The following FLRT2 variants were observed in gnomAD, a reference collection of about 807,000 sequenced individuals.
FLRT2 encodes the protein leucine-rich repeat transmembrane protein FLRT2.
FLRT2 carries 15 observed loss-of-function variants against 40.0 expected under a neutral mutation model. The observed-to-expected ratio is 0.38, with a 90% CI of 0.25 to 0.58. The LOEUF is 0.58. Among genes scored for constraint, FLRT2 ranks in the 20% least tolerant of loss-of-function variants. The pLI is 0.71. For synonymous variants in FLRT2, 380 were observed against 336.8 expected, an observed-to-expected ratio of 1.13 and a Z score of -1.41; for missense variants, 726 against 840.0, an observed-to-expected ratio of 0.86 and a Z score of 1.68.
chr14:85,621,713 G>A lies in FLRT2; in HGVS notation c.199G>A (p.Val67Ile), dbSNP rs142772729. 1.2e-4 allele frequency: 195 copies of A among 1,614,066 alleles called. 2 individuals are homozygous for A. The Admixed American group carries it at 1.4e-3, about 12-fold the overall frequency. Residue 67 changes from valine (V) to isoleucine (I), a missense_variant, in exon 2 of 2, where the codon GTA (valine) becomes ATA (isoleucine). Physicochemically the swap from Val to Ile is conservative, Grantham distance 29 (BLOSUM62 3). Around this residue, in one of 3 missense-constraint regions of FLRT2, gnomAD observed 106 missense variants for 121.2 expected, o/e 0.87. Coordinates refer to ENST00000330753, the MANE Select transcript of FLRT2 (RefSeq NM_013231.6). ...VPLGIPEGVTVLYLHNNQINN... is the reference protein window; with the variant it reads ...VPLGIPEGVTILYLHNNQINN... ...TCTTGGGATCCCGGAGGGCGTAACTGTACTCTACCTCCACAACAACCAAAT... is the reference window on the plus strand; with the variant it reads ...TCTTGGGATCCCGGAGGGCGTAACTATACTCTACCTCCACAACAACCAAAT...
chr14:85,558,389 G>A (rs1595018949), intron 1 of FLRT2, among the ~76,000 whole-genome samples: 2 of 152,242 alleles, frequency 1.3e-5, no homozygotes, highest in Middle Eastern at 6.8e-3. Context: ...GGGAGAGAAG[G>A]AGGAATTTGG....
chr14:85,572,049 C>A (rs1890914435), intron 1 of FLRT2, among the ~76,000 whole-genome samples: 1 of 152,146 alleles, frequency 6.6e-6, no homozygotes. Context: ...AACCCCCAGC[C>A]TAGACAGCTA....
intron 1 of FLRT2, among the ~76,000 whole-genome samples, chr14:85,557,152 G>A (rs1185832210): frequency 2.0e-5 from 3 of 151,946 alleles, no homozygotes; most frequent in Non-Finnish European, 4.4e-5. Flanking sequence ...TTTGGGTGGG[G>A]ACACAGAGTC....
chr14:85,605,749 G>A (rs1240416248), intron 1 of FLRT2, among the ~76,000 whole-genome samples: 3 of 152,128 alleles, frequency 2.0e-5, no homozygotes, highest in Non-Finnish European at 4.4e-5. Flanking sequence ...CTGGGCAACA[G>A]AGCAAGACTC....
intron 1 of FLRT2, among the ~76,000 whole-genome samples, chr14:85,567,929 C>T (rs149109000): frequency 2.4e-3 from 359 of 152,110 alleles, no homozygotes; most frequent in Non-Finnish European, 3.9e-3. Context: ...TGAGCCACCG[C>T]GCAAGGCCTG....
At chr14:85,536,662 A>G (rs1305335781) in intron 1 of FLRT2, among the ~76,000 whole-genome samples, 2 of 151,522 alleles carry the variant, frequency 1.3e-5, no homozygotes, top group African/African-American at 2.4e-5. Flanking sequence ...CCTTCTCATC[A>G]AAGTCTGAAG....
intron 1 of FLRT2, among the ~76,000 whole-genome samples, chr14:85,545,833 A>G (rs1438329739): frequency 2.0e-5 from 3 of 152,118 alleles, no homozygotes; most frequent in Admixed American, 2.0e-4. Context: ...TGCTAAATGG[A>G]TTGATTTGAG....
In FLRT2 at chr14:85,627,390, T is replaced by TA. The variant is rs896536564; in HGVS notation, c.*3894dup. On this transcript the variant is annotated 3_prime_UTR_variant, in exon 2 of 2. Coordinates refer to ENST00000330753, the MANE Select transcript of FLRT2 (RefSeq NM_013231.6). ...TTCTTCAGCAGGGTCAAAAGACAGT[T>TA]ACTAGCAATGGGGAATGCTTGTCAC... The TA allele has an allele frequency of 2.4e-5, 4 of 167,102 alleles. No individual in the cohort carries two copies. Among genetic ancestry groups the TA allele is most frequent in the Non-Finnish European group, 4.4e-5 (3 of 68,122 alleles). 10.4% of individuals were successfully genotyped at this position (167,102 alleles called of 1,614,324 possible).
chr14:85,596,335 A>T (rs1449488254), intron 1 of FLRT2, among the ~76,000 whole-genome samples: 1 of 152,238 alleles, frequency 6.6e-6, no homozygotes, highest in African/African-American at 2.4e-5. Context: ...AAATAGAATC[A>T]GGCGTTTCTG....
Position 85,622,984 on chromosome 14 carries a change from G to C in FLRT2, c.1470G>C (p.Arg490=), listed in dbSNP as rs766764641. 2.5e-6 allele frequency: 4 copies of C among 1,614,154 alleles called. No homozygotes were observed. In the Admixed American group the frequency reaches 6.7e-5, roughly 27 times the overall value. Residue 490 remains arginine (R), a synonymous_variant, in exon 2 of 2, where the codon CGG becomes CGC. Transcript: ENST00000330753. ...LVNLEPRSTY[R]ICLVPLDAFN... is the part of the protein sequence containing the mutation. Reference sequence around the variant, plus strand: ...ACTTAGAGCCCCGATCCACCTATCGGATTTGTTTAGTGCCACTGGATGCTT... The same window carrying C: ...ACTTAGAGCCCCGATCCACCTATCGCATTTGTTTAGTGCCACTGGATGCTT...
intron 1 of FLRT2, among the ~76,000 whole-genome samples, chr14:85,531,410 G>C (rs1306116876): frequency 1.3e-5 from 2 of 152,184 alleles, no homozygotes; most frequent in Non-Finnish European, 2.9e-5. Context: ...TGACCAGTAC[G>C]GGGCTCGCTC....
rs1176675543 is a variant in FLRT2 at position 85,638,989 on chromosome 14, C to A, written c.*15492C>A. 1.3e-5 allele frequency: 2 copies of A among 152,198 alleles called. No homozygotes were observed. The highest frequency in any genetic ancestry group is 2.9e-5 in the Non-Finnish European group (2 of 68,038). 9.4% of individuals were successfully genotyped at this position (152,198 alleles called of 1,614,324 possible). On this transcript the variant is annotated 3_prime_UTR_variant, in exon 2 of 2. Transcript: ENST00000330753. ...GTGAAACCAAGTTTATCAACTCTAT[C>A]TGAAAATAAAAATGTCCAAGAAAAT...
chr14:85,573,723 G>A (rs774110495), intron 1 of FLRT2, among the ~76,000 whole-genome samples: 2 of 152,222 alleles, frequency 1.3e-5, no homozygotes, highest in African/African-American at 2.4e-5. Context: ...AATTTAGGGT[G>A]AGAATGATTT....
At chr14:85,607,567 T>G in intron 1 of FLRT2, among the ~76,000 whole-genome samples, 1 of 152,222 alleles carries the variant, frequency 6.6e-6, no homozygotes, top group Middle Eastern at 3.4e-3. Context: ...AAGAAATGTT[T>G]TTGGGGAGGC....
intron 1 of FLRT2, among the ~76,000 whole-genome samples, chr14:85,582,666 A>C (rs910071637): frequency 1.3e-5 from 2 of 152,130 alleles, no homozygotes; most frequent in African/African-American, 4.8e-5. Context: ...TCAGTAAACC[A>C]TAGCTATTGC....
At chr14:85,578,273 A>T (rs1186277476) in intron 1 of FLRT2, among the ~76,000 whole-genome samples, 1 of 150,138 alleles carries the variant, frequency 6.7e-6, no homozygotes, top group East Asian at 1.9e-4. Context: ...TTTAGCCCCT[A>T]GTTCTCCATG....
intron 1 of FLRT2, among the ~76,000 whole-genome samples, chr14:85,588,406 C>A (rs753825356): frequency 6.6e-6 from 1 of 151,554 alleles, no homozygotes; most frequent in African/African-American, 2.4e-5. Flanking sequence ...TCAAATAAGA[C>A]TTGGCCTTCT....
At position 85,622,734 on chromosome 14, in the gene FLRT2, C is replaced by G; in HGVS notation, c.1220C>G (p.Thr407Arg). 1.2e-6 allele frequency: 2 copies of G among 1,614,036 alleles called. No homozygotes were observed. The highest frequency in any genetic ancestry group is 2.2e-5 in the South Asian group (2 of 91,074). The change falls in exon 2 of 2, where the codon ACG (threonine) becomes AGG (arginine). Residue 407 changes from threonine to arginine, a missense_variant. Around this residue, in one of 3 missense-constraint regions of FLRT2, gnomAD observed 611 missense variants for 690.0 expected, o/e 0.89. Transcript: ENST00000330753. ...ACTCCTACCACATCGAAACTTCCCA[C>G]GATTCCTGACTGGGATGGCAGAGAA... ...PPTPTTSKLP[T>R]IPDWDGRERV...
In FLRT2 at chr14:85,642,134, A is replaced by AAAG. The variant is rs1336859770; in HGVS notation, c.*18639_*18640insGAA. The AAAG allele has an allele frequency of 2.0e-5, 3 of 148,938 alleles. No individual in the cohort carries two copies. The highest frequency in any genetic ancestry group is 3.0e-5 in the Non-Finnish European group (2 of 67,244). 9.2% of individuals were successfully genotyped at this position (148,938 alleles called of 1,614,324 possible). A position where few individuals can be genotyped will look rare whatever the true frequency, so the allele number is the denominator to read the frequency against. On this transcript the variant is annotated 3_prime_UTR_variant, in exon 2 of 2. Coordinates refer to ENST00000330753, the MANE Select transcript of FLRT2 (RefSeq NM_013231.6). Reference sequence around the variant, plus strand: ...TACAGTTTCAAGGTTGCTGTTGACAAAAAAAAAAAAAAAGAAAGAAAGAAA... The same window carrying AAAG: ...TACAGTTTCAAGGTTGCTGTTGACAAAAGAAAAAAAAAAAAAGAAAGAAAGAAA...
Sources: gnomAD v4.1 joint callset for allele counts (sites outside exome capture counted in the v4.1 genomes callset) on GRCh38, gnomAD v4.1.1 for gene constraint, gnomAD v4.1.1 regional missense constraint, MANE v1.5 for transcripts, NCBI Gene and HGNC (gene_info 2026-07-23, HGNC 2026-07-21) for gene names.